HSF2: variants seen among roughly 807,000 people sequenced by gnomAD.
HSF2 encodes heat shock transcription factor 2.
Under a neutral mutation model 65.0 loss-of-function variants are expected in HSF2, and 21 were observed. That is an observed-to-expected ratio of 0.32 (90% CI 0.23 to 0.47). The LOEUF is 0.47. Among genes scored for constraint, HSF2 ranks in the 20% least tolerant of loss-of-function variants. HSF2 has a pLI of 1.00. For synonymous variants in HSF2, 225 were observed against 219.1 expected (o/e 1.03, Z -0.24); for missense variants, 499 against 628.1 (o/e 0.79, Z 2.20).
intron 7 of HSF2, among the ~76,000 whole-genome samples, chr6:122,421,642 A>G (rs74958447): frequency 6.6e-6 from 1 of 152,084 alleles, no homozygotes; most frequent in East Asian, 1.9e-4. Context: ...TTAAAAAAAA[A>G]TCATTGCTAA....
chr6:122,416,201 C>A lies in HSF2; in HGVS notation c.456-20C>A. 1 of 1,509,428 alleles carries A rather than the reference C, an allele frequency of 6.6e-7. No homozygotes were observed. The highest frequency in any genetic ancestry group is 9.1e-7 in the Non-Finnish European group (1 of 1,094,380). The allele number at this position is 1,509,428 out of a possible 1,614,324, so 93.5% of individuals were successfully genotyped here. A position where few individuals can be genotyped will look rare whatever the true frequency, so the allele number is the denominator to read the frequency against. ...GATTGATTTTTTTTTTGTTTTGTTG[C>A]TTAATAAATTATAACATAGTGAGAA... On this transcript the variant is annotated intron_variant, in intron 4 of 12. Transcript: ENST00000368455.
intron 1 of HSF2, 64 bp downstream of exon 1, chr6:122,399,894 C>A: frequency 1.6e-6 from 2 of 1,253,358 alleles, no homozygotes; most frequent in South Asian, 1.2e-5. Flanking sequence ...CGCTCTCCTG[C>A]GGGGTGGTCT....
At chr6:122,418,135 GCA>G (rs1484578814) in intron 5 of HSF2, among the ~76,000 whole-genome samples, 2 of 152,102 alleles carry the variant, frequency 1.3e-5, no homozygotes, top group Admixed American at 6.5e-5. Flanking sequence ...CACACTTTCT[GCA>G]CAGAGTCTAA....
chr6:122,423,555 G>T, intron 9 of HSF2, 26 bp from the exon 10 acceptor site: 3 of 1,342,802 alleles, frequency 2.2e-6, no homozygotes, highest in South Asian at 2.8e-5. Flanking sequence ...TCTAATATTT[G>T]ATTAAAAAAA....
At chr6:122,404,065 A>C (rs894722435) in intron 1 of HSF2, among the ~76,000 whole-genome samples, 6 of 152,264 alleles carry the variant, frequency 3.9e-5, no homozygotes, top group Non-Finnish European at 8.8e-5. Context: ...TGTTTGAGAA[A>C]ATGAAGTGAT....
rs17084511 is a variant in HSF2 at position 122,414,168 on chromosome 6, C to T, written c.455+519C>T. Among the ~76,000 whole-genome samples, 1,093 of 152,256 alleles carry T rather than the reference C, an allele frequency of 7.2e-3. 11 individuals are homozygous for T. Among genetic ancestry groups the T allele is most frequent in the African/African-American group, 0.024 (995 of 41,544 alleles). ...CGTATAGACTTGGAAAAGTGTTATT[C>T]AGAGCTTTTATCTACAGAAAGATGC... On this transcript the variant is annotated intron_variant, in intron 4 of 12. Transcript: ENST00000368455.
intron 8 of HSF2, 53 bp from the exon 9 acceptor site, chr6:122,422,665 G>T: frequency 6.3e-7 from 1 of 1,580,268 alleles, no homozygotes; most frequent in South Asian, 1.1e-5. Flanking sequence ...TGGATAGTAT[G>T]AACTTATTAA....
In HSF2 at chr6:122,416,308, T is replaced by C; in HGVS notation, c.531+12T>C. 1.1e-5 allele frequency: 18 copies of C among 1,592,702 alleles called. No individual in the cohort carries two copies. The highest frequency in any genetic ancestry group is 1.6e-5 in the Non-Finnish European group (18 of 1,161,114). ...AAGTTATTCGAAAGGTAAGAAGCTC[T>C]TTTCCCCAGGACCATAATTTGCATT... On this transcript the variant is annotated intron_variant, in intron 5 of 12. Coordinates refer to ENST00000368455, the MANE Select transcript of HSF2 (RefSeq NM_004506.4).
chr6:122,416,213 TA>T lies in HSF2; in HGVS notation c.456-6del. 1 of 1,567,888 alleles carries T rather than the reference TA, an allele frequency of 6.4e-7. No individual in the cohort carries two copies. The highest frequency in any genetic ancestry group is 8.8e-7 in the Non-Finnish European group (1 of 1,139,602). On this transcript the variant is annotated splice_region_variant and splice_polypyrimidine_tract_variant and intron_variant, in intron 4 of 12. Transcript: ENST00000368455. Reference sequence around the variant, plus strand: ...TTTTGTTTTGTTGCTTAATAAATTATAACATAGTGAGAATGAGTCCCTTTGG... The same window carrying T: ...TTTTGTTTTGTTGCTTAATAAATTATACATAGTGAGAATGAGTCCCTTTGG...
At chr6:122,416,487 G>T (rs1774132646) in intron 5 of HSF2, among the ~76,000 whole-genome samples, 191 bp downstream of exon 5, 1 of 152,178 alleles carries the variant, frequency 6.6e-6, no homozygotes, top group Admixed American at 6.5e-5. Context: ...TTTCTCACTA[G>T]CTAAAGATGG....
At chr6:122,431,801 A>T in intron 12 of HSF2, 124 bp from the exon 13 acceptor site, 2 of 777,602 alleles carry the variant, frequency 2.6e-6, no homozygotes, top group Non-Finnish European at 4.2e-6. Flanking sequence ...GCATCATGTC[A>T]TTTCTTGTTT....
At chr6:122,403,191 G>A (rs1164114544) in intron 1 of HSF2, among the ~76,000 whole-genome samples, 3 of 151,898 alleles carry the variant, frequency 2.0e-5, no homozygotes, top group Non-Finnish European at 2.9e-5. Context: ...AATTGAAAAG[G>A]GAAATAATAC....
chr6:122,412,878 G>A (rs1052151621), intron 3 of HSF2, 114 bp downstream of exon 3: 2 of 919,360 alleles, frequency 2.2e-6, no homozygotes, highest in African/African-American at 1.7e-5. Context: ...TTGTTGGGAT[G>A]AATTAGGATA....
intron 7 of HSF2, 53 bp downstream of exon 7, chr6:122,420,275 A>T: frequency 7.2e-7 from 1 of 1,390,580 alleles, no homozygotes; most frequent in Non-Finnish European, 1.0e-6. Flanking sequence ...ACTAAATTTT[A>T]TTATGGCAGT....
intron 9 of HSF2, 150 bp downstream of exon 9, chr6:122,423,107 A>G: frequency 1.3e-6 from 1 of 761,286 alleles, no homozygotes; most frequent in Non-Finnish European, 2.1e-6. Flanking sequence ...TCTGTAATGA[A>G]TGGGATTTAA....
chr6:122,413,952 T>C (rs1167752989), intron 4 of HSF2, among the ~76,000 whole-genome samples: 2 of 152,146 alleles, frequency 1.3e-5, no homozygotes, highest in African/African-American at 4.8e-5. Flanking sequence ...GTAGGAAATA[T>C]GATTCTATTT....
intron 1 of HSF2, among the ~76,000 whole-genome samples, chr6:122,405,346 A>G (rs1191933723): frequency 6.6e-6 from 1 of 152,122 alleles, no homozygotes; most frequent in African/African-American, 2.4e-5. Flanking sequence ...CACCAAGATA[A>G]ACTGTGTGTC....
intron 1 of HSF2, among the ~76,000 whole-genome samples, chr6:122,401,432 G>T (rs926659226): frequency 6.6e-5 from 10 of 152,160 alleles, no homozygotes; most frequent in African/African-American, 2.4e-4. Flanking sequence ...AGAAATAGGG[G>T]CTATATATAT....
At chr6:122,423,076 C>G (rs1270405361) in intron 9 of HSF2, 119 bp downstream of exon 9, 1 of 1,107,428 alleles carries the variant, frequency 9.0e-7, no homozygotes, top group Non-Finnish European at 1.3e-6. Context: ...CCACCTTTCT[C>G]TGTTTTGGTC....
Sources: allele counts gnomAD v4.1 joint callset (sites outside exome capture counted in the v4.1 genomes callset), GRCh38; gene constraint gnomAD v4.1.1; transcripts MANE v1.5; gene names NCBI Gene and HGNC (gene_info 2026-07-23, HGNC 2026-07-21).